GTPBP10: variants seen among roughly 807,000 people sequenced by gnomAD.
The protein encoded by GTPBP10 is GTP-binding protein 10.
Under a neutral mutation model 44.8 loss-of-function variants are expected in GTPBP10, and 38 were observed. The observed-to-expected ratio is 0.85, with a 90% confidence interval of 0.65 to 1.11. GTPBP10 has a LOEUF of 1.11. Among genes scored for constraint, GTPBP10 ranks in the 50% most tolerant of loss-of-function variants. GTPBP10 has a pLI of 0.00. For synonymous variants in GTPBP10, 152 were observed against 150.6 expected (o/e 1.01, Z -0.07); for missense variants, 462 against 453.7 (o/e 1.02, Z -0.17).
At chr7:90,353,313 C>G (rs532583811) in intron 2 of GTPBP10, 44 of 208,992 alleles carry the variant, frequency 2.1e-4, no homozygotes, top group African/African-American at 1.0e-3. Context: ...CTTTGACAAC[C>G]TTTTAGAAAA....
At chr7:90,372,863 A>G (rs1405210866) in intron 5 of GTPBP10, among the ~76,000 whole-genome samples, 1 of 152,186 alleles carries the variant, frequency 6.6e-6, no homozygotes, top group Non-Finnish European at 1.5e-5. Context: ...TGATAAACAG[A>G]AACAGCTCCT....
intron 5 of GTPBP10, among the ~76,000 whole-genome samples, chr7:90,372,871 C>G (rs754827958): frequency 9.9e-5 from 15 of 151,998 alleles, no homozygotes; most frequent in Non-Finnish European, 1.9e-4. Context: ...AGAAACAGCT[C>G]CTGTTTTGAC....
At chr7:90,368,276 G>A (rs140772822) in intron 4 of GTPBP10, among the ~76,000 whole-genome samples, 16,145 of 152,044 alleles carry the variant, frequency 0.11, 1,065 homozygotes, top group Non-Finnish European at 0.15. Context: ...TGCTCTTCTC[G>A]AGGAGTATCT....
rs1271044372 is a variant in GTPBP10 at position 90,354,453 on chromosome 7, G to A, written c.228-5G>A. On this transcript the variant is annotated splice_polypyrimidine_tract_variant and splice_region_variant and intron_variant, in intron 2 of 9. Transcript: ENST00000222511. Reference sequence around the variant, plus strand: ...ACATACATATATATACTTTTTTTTTGGTAGAATTAGTGCACTGAAAGGCTC... The same window carrying A: ...ACATACATATATATACTTTTTTTTTAGTAGAATTAGTGCACTGAAAGGCTC... 2 of 1,489,166 alleles carry A rather than the reference G, an allele frequency of 1.3e-6. No homozygotes were observed. Among genetic ancestry groups the A allele is most frequent in the Non-Finnish European group, 9.1e-7 (1 of 1,093,790 alleles). 92.2% of individuals were successfully genotyped at this position (1,489,166 alleles called of 1,614,324 possible). A position where few individuals can be genotyped will look rare whatever the true frequency, so the allele number is the denominator to read the frequency against.
At chr7:90,370,923 C>T (rs921617366) in intron 4 of GTPBP10, among the ~76,000 whole-genome samples, 34 of 151,784 alleles carry the variant, frequency 2.2e-4, no homozygotes, top group African/African-American at 8.0e-4. Context: ...AGGAGAATGG[C>T]GTGAACCGGG....
At chr7:90,350,018 C>T (rs1353035197) in intron 1 of GTPBP10, among the ~76,000 whole-genome samples, 2 of 152,020 alleles carry the variant, frequency 1.3e-5, no homozygotes, top group Admixed American at 6.5e-5. Context: ...GTTTGCTGCA[C>T]CCATTAACTT....
chr7:90,353,555 G>T (rs1795836437), intron 2 of GTPBP10, among the ~76,000 whole-genome samples: 1 of 151,914 alleles, frequency 6.6e-6, no homozygotes, highest in African/African-American at 2.4e-5. Context: ...TAACTATTTT[G>T]TCATTTGTCT....
At chr7:90,367,618 T>C (rs1340201547) in intron 4 of GTPBP10, among the ~76,000 whole-genome samples, 2 of 152,196 alleles carry the variant, frequency 1.3e-5, no homozygotes, top group Non-Finnish European at 2.9e-5. Context: ...CCTTTTTTTG[T>C]TTTCCATTTG....
At chr7:90,378,996 C>A (rs1305048013) in intron 8 of GTPBP10, among the ~76,000 whole-genome samples, 1 of 152,198 alleles carries the variant, frequency 6.6e-6, no homozygotes, top group Non-Finnish European at 1.5e-5. Flanking sequence ...GGCCATTGCA[C>A]CTGGCCTTTG....
intron 6 of GTPBP10, among the ~76,000 whole-genome samples, chr7:90,375,697 G>C (rs1488516845): frequency 1.3e-5 from 2 of 152,144 alleles, no homozygotes; most frequent in East Asian, 1.9e-4. Context: ...TGTTGTGCAT[G>C]CTGCTTTGTC....
Position 90,372,165 on chromosome 7 carries a change from G to A in GTPBP10, c.475G>A (p.Ala159Thr). The A allele has an allele frequency of 1.3e-6, 2 of 1,599,792 alleles. No homozygotes were observed. The highest frequency in any genetic ancestry group is 1.9e-4 in the Middle Eastern group (1 of 5,192). ...ATATTCTTGTTTCAGATTCCCAAAT[G>A]CTGGAAAATCCTCTTTGCTAAGTTG... is the stretch of plus-strand genomic sequence containing the variant. ...ADVGLVGFPN[A>T]GKSSLLSCVS... The change falls in exon 5 of 10, where the codon GCT (alanine) becomes ACT (threonine). Residue 159 changes from alanine (A) to threonine (T), a missense_variant. Ala to Thr is a moderately conservative substitution (Grantham distance 58, BLOSUM62 0). Transcript: ENST00000222511.
chr7:90,366,049 T>G (rs1347609194), intron 4 of GTPBP10, among the ~76,000 whole-genome samples: 1 of 152,224 alleles, frequency 6.6e-6, no homozygotes, highest in Admixed American at 6.5e-5. Context: ...TGCTTCTGTT[T>G]ATGTGATGGA....
chr7:90,368,199 T>C (rs1043750110), intron 4 of GTPBP10, among the ~76,000 whole-genome samples: 2 of 152,190 alleles, frequency 1.3e-5, no homozygotes, highest in African/African-American at 4.8e-5. Flanking sequence ...CCTTTCTCTC[T>C]GGCTGCCCTT....
At chr7:90,347,351 C>G (rs1795697544) in intron 1 of GTPBP10, among the ~76,000 whole-genome samples, 1 of 152,054 alleles carries the variant, frequency 6.6e-6, no homozygotes, top group African/African-American at 2.4e-5. Flanking sequence ...TACTTTATTT[C>G]TAACGACCAG....
chr7:90,369,385 A>T (rs1247825215), intron 4 of GTPBP10, among the ~76,000 whole-genome samples: 7 of 152,086 alleles, frequency 4.6e-5, no homozygotes, highest in Non-Finnish European at 8.8e-5. Flanking sequence ...ATTTTTTCTG[A>T]TATGCCCTGC....
chr7:90,355,004 C>T, intron 3 of GTPBP10, 82 bp from the exon 4 acceptor site: 14 of 842,332 alleles, frequency 1.7e-5, no homozygotes, highest in South Asian at 7.7e-5. Flanking sequence ...ATTTCTTTGC[C>T]TGTATTTCTG....
intron 6 of GTPBP10, among the ~76,000 whole-genome samples, chr7:90,375,448 T>TG (rs144653123): frequency 0.028 from 4,312 of 152,164 alleles, 200 homozygotes; most frequent in African/African-American, 0.097. Flanking sequence ...TGCATCAATA[T>TG]GGGTTCATAC....
chr7:90,357,968 T>C (rs2115641921), intron 4 of GTPBP10, among the ~76,000 whole-genome samples: 1 of 152,218 alleles, frequency 6.6e-6, no homozygotes, highest in Non-Finnish European at 1.5e-5. Context: ...AAAAAGGGCA[T>C]TCAAATTGGA....
rs193044125 is a variant in GTPBP10 at position 90,389,914 on chromosome 7, A to T, written c.*4760A>T. ...GTTATCCTCCTGCCTCATCCTCCCAAGTAGCTAGGACTACAAGTGTGTGCC... is the reference window on the plus strand; with the variant it reads ...GTTATCCTCCTGCCTCATCCTCCCATGTAGCTAGGACTACAAGTGTGTGCC... On this transcript the variant is annotated 3_prime_UTR_variant, in exon 10 of 10. Transcript: ENST00000222511. 262 of 152,308 alleles carry T rather than the reference A, an allele frequency of 1.7e-3. 1 individual carries two copies. In the Middle Eastern group the frequency reaches 0.037, roughly 21 times the overall value. 9.4% of individuals were successfully genotyped at this position (152,308 alleles called of 1,614,324 possible).
Sources: gnomAD v4.1 joint callset for allele counts (sites outside exome capture counted in the v4.1 genomes callset) on GRCh38, gnomAD v4.1.1 for gene constraint, MANE v1.5 for transcripts, NCBI Gene and HGNC (gene_info 2026-07-23, HGNC 2026-07-21) for gene names.